Variants in TF observed in about 807,000 individuals in gnomAD.
The protein encoded by TF is transferrin, also known as serotransferrin.
In TF, 55 loss-of-function variants were observed where a neutral mutation model predicts 82.4. The observed-to-expected ratio is 0.67, with a 90% CI of 0.54 to 0.84. TF has a LOEUF of 0.84. Among genes scored for constraint, TF ranks in the 40% least tolerant of loss-of-function variants. TF has a pLI of 0.00. For synonymous variants in TF, 332 were observed against 332.6 expected (o/e 1.00, Z 0.02); for missense variants, 737 against 868.4 (o/e 0.85, Z 1.90).
intron 12 of TF, 27 bp downstream of exon 12, chr3:133,766,460 G>A (rs1469637945): frequency 6.2e-7 from 1 of 1,613,824 alleles, no homozygotes; most frequent in Non-Finnish European, 8.5e-7. Flanking sequence ...AAGGAGGGCT[G>A]GTGAGGGCCA....
the TF span, chr3:133,699,965 G>A: frequency 5.5e-6 from 1 of 180,584 alleles, no homozygotes; most frequent in South Asian, 1.3e-4. Context: ...GTCATCCCAT[G>A]GCATGTGATC....
rs913828494 is a variant in TF, at chr3:133,792,239, T to C, written c.*13619T>C. On this transcript the variant is annotated 3_prime_UTR_variant, in exon 17 of 17. Transcript: ENST00000402696. ...TTATATAAGAAAGGATCTTATATCG[T>C]AAATTCGTGTCCTAAAGTAAAATAA... The C allele has an allele frequency of 6.6e-6, 1 of 152,196 alleles. No homozygotes were observed. Among genetic ancestry groups the C allele is most frequent in the African/African-American group, 2.4e-5 (1 of 41,430 alleles). The allele number at this position is 152,196 out of a possible 1,614,324, so 9.4% of individuals were successfully genotyped here. A position where few individuals can be genotyped will look rare whatever the true frequency, so the allele number is the denominator to read the frequency against.
the TF span, among the ~76,000 whole-genome samples, chr3:133,672,961 A>G: frequency 6.6e-6 from 1 of 152,204 alleles, no homozygotes; most frequent in African/African-American, 2.4e-5. Flanking sequence ...GCAACCCAGG[A>G]AGGAAGGAAA....
chr3:133,770,375 G>A (rs1351143653), intron 13 of TF, 133 bp from the exon 14 acceptor site: 64 of 812,702 alleles, frequency 7.9e-5, no homozygotes, highest in Non-Finnish European at 8.8e-5. Flanking sequence ...TCCTTACATT[G>A]CTTACTGTTA....
chr3:133,768,278 A>G (rs1934177268), intron 13 of TF, 114 bp downstream of exon 13: 2 of 1,407,798 alleles, frequency 1.4e-6, no homozygotes, highest in Admixed American at 2.0e-5. Context: ...GCATGTATTA[A>G]GAGAGTATAT....
At position 133,788,263 on chromosome 3, in the gene TF, T is replaced by C. The variant is rs1934736933; in HGVS notation, c.*9643T>C. 1 of 152,240 alleles carries C rather than the reference T, an allele frequency of 6.6e-6. No individual in the cohort carries two copies. The highest frequency in any genetic ancestry group is 2.1e-4 in the South Asian group (1 of 4,830). 9.4% of individuals were successfully genotyped at this position (152,240 alleles called of 1,614,324 possible). ...CCATTTACATAGGGCGTACATCAAG[T>C]AAATGACTAGGGTGTATACTAAGTA... On this transcript the variant is annotated 3_prime_UTR_variant, in exon 17 of 17. Transcript: ENST00000402696.
At chr3:133,712,024 C>T in the TF span, among the ~76,000 whole-genome samples, 6 of 152,166 alleles carry the variant, frequency 3.9e-5, no homozygotes, top group Admixed American at 3.3e-4. Flanking sequence ...CTTCATGTCT[C>T]GGCTTAAACC....
At chr3:133,764,318 G>T (rs1357671627) in intron 10 of TF, 43 bp downstream of exon 10, 1 of 1,494,580 alleles carries the variant, frequency 6.7e-7, no homozygotes, top group East Asian at 2.3e-5. Flanking sequence ...TTCCCTCAGG[G>T]CCATGGAGAG....
At chr3:133,728,934 G>A in the TF span, among the ~76,000 whole-genome samples, 178 of 152,292 alleles carry the variant, frequency 1.2e-3, 1 homozygote, top group Non-Finnish European at 1.6e-3. Context: ...GACCCTGTTC[G>A]CCTGGGTATC....
chr3:133,747,681 G>C (rs1373634540), intron 1 of TF, among the ~76,000 whole-genome samples: 1 of 152,250 alleles, frequency 6.6e-6, no homozygotes, highest in Non-Finnish European at 1.5e-5. Context: ...GGTGAAAATG[G>C]AGGGATAGTT....
At chr3:133,672,922 T>C in the TF span, among the ~76,000 whole-genome samples, 151,388 of 152,316 alleles carry the variant, frequency 0.99, 75,239 homozygotes, top group East Asian at 1. Flanking sequence ...CAAAATGCAA[T>C]ACCCATTCAT....
chr3:133,726,355 G>C, the TF span, among the ~76,000 whole-genome samples: 2 of 152,190 alleles, frequency 1.3e-5, no homozygotes, highest in African/African-American at 4.8e-5. Context: ...GGTCTATTCA[G>C]AGATTCAACT....
the TF span, among the ~76,000 whole-genome samples, chr3:133,735,616 C>G: frequency 6.6e-6 from 1 of 152,108 alleles, no homozygotes; most frequent in Non-Finnish European, 1.5e-5. Context: ...CATAAATAAG[C>G]TGATGGAGCT....
At chr3:133,732,710 T>G in the TF span, among the ~76,000 whole-genome samples, 1 of 152,084 alleles carries the variant, frequency 6.6e-6, no homozygotes, top group Non-Finnish European at 1.5e-5. Flanking sequence ...CGTCTGAACA[T>G]CAGAAGGAAG....
the TF span, among the ~76,000 whole-genome samples, chr3:133,663,956 T>C: frequency 6.6e-6 from 1 of 152,172 alleles, no homozygotes; most frequent in African/African-American, 2.4e-5. Flanking sequence ...AGTTCTCCCA[T>C]CTTGTGTCTC....
chr3:133,710,645 G>T, the TF span, among the ~76,000 whole-genome samples: 1 of 152,222 alleles, frequency 6.6e-6, no homozygotes, highest in African/African-American at 2.4e-5. Context: ...TCCCTCCGCA[G>T]CCAATCCCTC....
chr3:133,747,947 G>T (rs923590146), intron 1 of TF, among the ~76,000 whole-genome samples: 1 of 151,798 alleles, frequency 6.6e-6, no homozygotes, highest in Non-Finnish European at 1.5e-5. Flanking sequence ...AAAAAAAAAG[G>T]CATCATTCTC....
At chr3:133,669,263 A>T in the TF span, among the ~76,000 whole-genome samples, 2 of 152,054 alleles carry the variant, frequency 1.3e-5, no homozygotes, top group African/African-American at 4.8e-5. Context: ...AGGCCTCCCA[A>T]AGTGCTGGGA....
In TF at chr3:133,785,200, C is replaced by T. The variant is rs1458713343; in HGVS notation, c.*6580C>T. ...GGGGTCAGCCCTCCGCCCGGCCAGC[C>T]GCCCCGTCTGGGAGGTGAGGGGCGC... On this transcript the variant is annotated 3_prime_UTR_variant, in exon 17 of 17. Coordinates refer to ENST00000402696, the MANE Select transcript of TF (RefSeq NM_001063.4). The T allele has an allele frequency of 8.1e-5, 8 of 98,508 alleles. No individual in the cohort carries two copies. The highest frequency in any genetic ancestry group is 2.7e-4 in the African/African-American group (7 of 25,802). The allele number at this position is 98,508 out of a possible 1,614,324, so 6.1% of individuals were successfully genotyped here. A position where few individuals can be genotyped will look rare whatever the true frequency, so the allele number is the denominator to read the frequency against.
Sources: allele counts gnomAD v4.1 joint callset (sites outside exome capture counted in the v4.1 genomes callset), GRCh38; gene constraint gnomAD v4.1.1; transcripts MANE v1.5; gene names NCBI Gene and HGNC (gene_info 2026-07-23, HGNC 2026-07-21).